GABRA5: variants seen among roughly 807,000 people sequenced by gnomAD.
The protein encoded by GABRA5 is gamma-aminobutyric acid receptor subunit alpha-5.
A neutral mutation model predicts 47.3 loss-of-function variants in GABRA5; 18 were observed. The ratio of observed to expected loss-of-function variants is 0.38; its 90% confidence interval spans 0.26 to 0.56. The LOEUF (loss-of-function observed/expected upper bound fraction) is 0.56. Ranked by LOEUF, GABRA5 falls within the 20% of genes least tolerant of loss-of-function variation. The pLI is 0.71. For missense variants in GABRA5, 365 were observed against 599.3 expected (o/e 0.61, Z 4.08); for synonymous variants, 237 against 229.3 (o/e 1.03, Z -0.30).
At chr15:26,885,126 C>T (rs1892843510) in intron 6 of GABRA5, among the ~76,000 whole-genome samples, 1 of 151,886 alleles carries the variant, frequency 6.6e-6, no homozygotes, top group Admixed American at 6.6e-5. Context: ...GAAACCCCGT[C>T]TCTACTAAAA....
intron 6 of GABRA5, among the ~76,000 whole-genome samples, chr15:26,896,738 C>T (rs973067179): frequency 1.3e-5 from 2 of 152,042 alleles, no homozygotes; most frequent in Non-Finnish European, 2.9e-5. Flanking sequence ...AAAGAAATTG[C>T]GTAGTGATGA....
At chr15:26,889,576 A>T (rs1289619820) in intron 6 of GABRA5, among the ~76,000 whole-genome samples, 1 of 152,222 alleles carries the variant, frequency 6.6e-6, no homozygotes, top group East Asian at 1.9e-4. Flanking sequence ...TTGGATACAT[A>T]CATATCTGGA....
chr15:26,909,261 C>T (rs1893520965), intron 6 of GABRA5, among the ~76,000 whole-genome samples: 1 of 152,166 alleles, frequency 6.6e-6, no homozygotes, highest in Non-Finnish European at 1.5e-5. Context: ...CTGACACTCC[C>T]ATTTTCCTCT....
chr15:26,909,571 G>A (rs1048000486), intron 6 of GABRA5, among the ~76,000 whole-genome samples: 4 of 152,146 alleles, frequency 2.6e-5, no homozygotes, highest in African/African-American at 9.7e-5. Flanking sequence ...ACGCTCTAGG[G>A]GAGAGGCTGT....
chr15:26,871,627 A>T (rs1349471375), intron 3 of GABRA5, among the ~76,000 whole-genome samples: 1 of 152,212 alleles, frequency 6.6e-6, no homozygotes, highest in African/African-American at 2.4e-5. Context: ...CATGCTTCCC[A>T]TTTGGTGCAC....
At chr15:26,944,089 A>T (rs923719439) in intron 10 of GABRA5, among the ~76,000 whole-genome samples, 1 of 152,234 alleles carries the variant, frequency 6.6e-6, no homozygotes, top group South Asian at 2.1e-4. Context: ...AAATCTCTGT[A>T]TGGAGAGAAC....
intron 6 of GABRA5, among the ~76,000 whole-genome samples, chr15:26,910,588 A>C (rs1009094626): frequency 1.2e-5 from 1 of 86,854 alleles, no homozygotes; most frequent in African/African-American, 4.9e-5. Context: ...TGACAGAACG[A>C]GACTCCATCA....
intron 3 of GABRA5, among the ~76,000 whole-genome samples, chr15:26,878,363 A>C (rs1892648111): frequency 6.6e-6 from 1 of 152,234 alleles, no homozygotes; most frequent in African/African-American, 2.4e-5. Flanking sequence ...GAGAAAACAC[A>C]GCATTTGCCT....
intron 6 of GABRA5, among the ~76,000 whole-genome samples, chr15:26,895,101 C>T (rs1299822525): frequency 6.6e-6 from 1 of 152,086 alleles, no homozygotes; most frequent in Non-Finnish European, 1.5e-5. Context: ...CGTTCTTTCT[C>T]TACCCGGGGG....
At chr15:26,902,862 T>C (rs1018425102) in intron 6 of GABRA5, among the ~76,000 whole-genome samples, 3 of 152,150 alleles carry the variant, frequency 2.0e-5, no homozygotes, top group African/African-American at 7.2e-5. Flanking sequence ...AGGTATTAGA[T>C]TTTGTTAAAT....
At chr15:26,921,511 G>A (rs1893842460) in intron 7 of GABRA5, among the ~76,000 whole-genome samples, 2 of 152,022 alleles carry the variant, frequency 1.3e-5, no homozygotes, top group Admixed American at 6.6e-5. Context: ...GATTGATAGA[G>A]GTTTTTCAAT....
intron 7 of GABRA5, among the ~76,000 whole-genome samples, chr15:26,925,825 T>C (rs1349409628): frequency 2.0e-5 from 3 of 152,342 alleles, no homozygotes; most frequent in African/African-American, 4.8e-5. Context: ...CTTGGCTGAG[T>C]GTGAACTCCC....
chr15:26,944,269 T>C (rs1473644189), intron 10 of GABRA5, among the ~76,000 whole-genome samples: 1 of 152,226 alleles, frequency 6.6e-6, no homozygotes, highest in African/African-American at 2.4e-5. Flanking sequence ...CTGGTTCCAC[T>C]GGGAGACCTG....
intron 7 of GABRA5, among the ~76,000 whole-genome samples, chr15:26,929,748 C>T (rs1894046332): frequency 6.6e-6 from 1 of 152,174 alleles, no homozygotes; most frequent in Non-Finnish European, 1.5e-5. Context: ...AGGCAGTGCA[C>T]ATCAGGGCAG....
chr15:26,940,708 A>T (rs1894363766), intron 9 of GABRA5, among the ~76,000 whole-genome samples: 1 of 152,218 alleles, frequency 6.6e-6, no homozygotes, highest in South Asian at 2.1e-4. Flanking sequence ...AATCAATGAG[A>T]TACAATAGTA....
At chr15:26,905,281 GT>G (rs34689301) in intron 6 of GABRA5, among the ~76,000 whole-genome samples, 6 of 150,192 alleles carry the variant, frequency 4.0e-5, no homozygotes, top group South Asian at 2.1e-4. Context: ...TGGTTGACAA[GT>G]TTTTTTTTTC....
intron 7 of GABRA5, among the ~76,000 whole-genome samples, chr15:26,926,050 T>A (rs866640146): frequency 6.6e-6 from 1 of 152,220 alleles, no homozygotes; most frequent in South Asian, 2.1e-4. Flanking sequence ...CTCCAGCTGC[T>A]GCTTTAATAG....
chr15:26,881,365 G>T (rs1419440493), intron 4 of GABRA5, among the ~76,000 whole-genome samples: 1 of 152,140 alleles, frequency 6.6e-6, no homozygotes, highest in African/African-American at 2.4e-5. Context: ...TCATAGTCTT[G>T]TATCTATGCG....
In GABRA5 at chr15:26,948,780, A is replaced by G. The variant is rs2140611648; in HGVS notation, c.*547A>G. 1 of 152,936 alleles carries G rather than the reference A, an allele frequency of 6.5e-6. No individual in the cohort carries two copies. Among genetic ancestry groups the G allele is most frequent in the African/African-American group, 2.4e-5 (1 of 41,588 alleles). The allele number at this position is 152,936 out of a possible 1,614,324, so 9.5% of individuals were successfully genotyped here. A position where few individuals can be genotyped will look rare whatever the true frequency, so the allele number is the denominator to read the frequency against. On this transcript the variant is annotated 3_prime_UTR_variant, in exon 11 of 11. Transcript: ENST00000335625. ...GGAAAGTACTGCATGATCTTACACG[A>G]AGAAATAGAATAGGCAAACTTTTAT...
Sources: allele counts gnomAD v4.1 joint callset (sites outside exome capture counted in the v4.1 genomes callset), GRCh38; gene constraint gnomAD v4.1.1; transcripts MANE v1.5; gene names NCBI Gene and HGNC (gene_info 2026-07-23, HGNC 2026-07-21).